NSMCE2: variants seen among roughly 807,000 people sequenced by gnomAD.
The protein encoded by NSMCE2 is NSE2 SUMO ligase component of SMC5/6 complex.
A neutral mutation model predicts 23.8 loss-of-function variants in NSMCE2; 24 were observed. The ratio of observed to expected loss-of-function variants is 1.01; its 90% CI spans 0.73 to 1.42. NSMCE2 has a LOEUF of 1.42. Among genes scored for constraint, NSMCE2 ranks in the 40% most tolerant of loss-of-function variants. The pLI, the probability that NSMCE2 is intolerant of heterozygous loss-of-function variation, is 0.00. For missense variants in NSMCE2, 284 were observed against 296.5 expected, an observed-to-expected ratio of 0.96 and a Z score of 0.31; for synonymous variants, 92 against 94.1, an observed-to-expected ratio of 0.98 and a Z score of 0.13.
At chr8:125,211,188 A>G (rs1824323391) in intron 5 of NSMCE2, among the ~76,000 whole-genome samples, 1 of 152,156 alleles carries the variant, frequency 6.6e-6, no homozygotes, top group African/African-American at 2.4e-5. Flanking sequence ...TAAAGGTTTT[A>G]TCTTTTTTAT....
At chr8:125,110,245 G>A (rs1050625990) in intron 3 of NSMCE2, among the ~76,000 whole-genome samples, 9 of 152,186 alleles carry the variant, frequency 5.9e-5, no homozygotes, top group African/African-American at 1.7e-4. Context: ...AAAAATGTAT[G>A]TGCATGAGGA....
chr8:125,095,038 A>G (rs1817862700), intron 1 of NSMCE2, among the ~76,000 whole-genome samples: 1 of 152,042 alleles, frequency 6.6e-6, no homozygotes, highest in Non-Finnish European at 1.5e-5. Flanking sequence ...TTCTGTAAAG[A>G]CAGAGTCTCA....
chr8:125,095,799 A>G (rs544952769), intron 1 of NSMCE2, among the ~76,000 whole-genome samples: 2 of 149,998 alleles, frequency 1.3e-5, no homozygotes, highest in Non-Finnish European at 3.0e-5. Flanking sequence ...AGAGAATTGC[A>G]TGAACCTGGG....
chr8:125,125,900 G>C (rs1819495444), intron 3 of NSMCE2, among the ~76,000 whole-genome samples: 1 of 152,118 alleles, frequency 6.6e-6, no homozygotes, highest in African/African-American at 2.4e-5. Flanking sequence ...TACTGTGGAG[G>C]GTTTGTGTCA....
intron 7 of NSMCE2, among the ~76,000 whole-genome samples, chr8:125,362,010 G>A (rs925311831): frequency 8.5e-5 from 13 of 152,290 alleles, no homozygotes; most frequent in East Asian, 1.9e-4. Context: ...CCCAAGACCC[G>A]GTTCCCTTTG....
At chr8:125,274,766 C>T (rs1827373823) in intron 5 of NSMCE2, among the ~76,000 whole-genome samples, 1 of 151,848 alleles carries the variant, frequency 6.6e-6, no homozygotes, top group Non-Finnish European at 1.5e-5. Flanking sequence ...CCCATCTCTA[C>T]TAAAAATACA....
chr8:125,140,695 G>A (rs1586499410), intron 3 of NSMCE2, among the ~76,000 whole-genome samples: 1 of 151,956 alleles, frequency 6.6e-6, no homozygotes, highest in Admixed American at 6.6e-5. Flanking sequence ...TTTTGTCTTG[G>A]CTGCCACAAA....
chr8:125,156,028 C>G (rs1283311363), intron 4 of NSMCE2: 3 of 444,230 alleles, frequency 6.8e-6, no homozygotes, highest in Admixed American at 2.4e-5. Context: ...GCCTGTAGTT[C>G]CAGCTACTTG....
At chr8:125,268,240 G>GA (rs376800710) in intron 5 of NSMCE2, among the ~76,000 whole-genome samples, 23 of 142,492 alleles carry the variant, frequency 1.6e-4, no homozygotes, top group East Asian at 2.0e-4. Context: ...TCTCAAGGAA[G>GA]AAAAAAAAAA....
chr8:125,265,951 G>C (rs2131066275), intron 5 of NSMCE2, among the ~76,000 whole-genome samples: 1 of 151,950 alleles, frequency 6.6e-6, no homozygotes, highest in Admixed American at 6.6e-5. Context: ...TATTTGATTT[G>C]TAAGCATTTC....
chr8:125,184,380 A>G (rs186849694), intron 5 of NSMCE2, among the ~76,000 whole-genome samples: 1 of 152,288 alleles, frequency 6.6e-6, no homozygotes, highest in African/African-American at 2.4e-5. Context: ...AGTTGGAAAA[A>G]GAAAGAAAAT....
chr8:125,105,068 T>C (rs749968036), intron 3 of NSMCE2, among the ~76,000 whole-genome samples: 1 of 152,182 alleles, frequency 6.6e-6, no homozygotes, highest in Non-Finnish European at 1.5e-5. Context: ...GAGGAGGCCA[T>C]TGCAAGACTT....
intron 5 of NSMCE2, among the ~76,000 whole-genome samples, chr8:125,222,408 A>G (rs1235977201): frequency 6.6e-6 from 1 of 152,204 alleles, no homozygotes; most frequent in African/African-American, 2.4e-5. Context: ...TGAAGTATAC[A>G]AATACATTAT....
At chr8:125,222,751 T>A (rs1486816460) in intron 5 of NSMCE2, among the ~76,000 whole-genome samples, 4 of 152,162 alleles carry the variant, frequency 2.6e-5, no homozygotes, top group Admixed American at 1.3e-4. Flanking sequence ...CCACATTTTT[T>A]AAATCTGTTC....
At chr8:125,269,338 C>T (rs748079621) in intron 5 of NSMCE2, among the ~76,000 whole-genome samples, 7 of 152,274 alleles carry the variant, frequency 4.6e-5, no homozygotes, top group South Asian at 2.1e-4. Context: ...CACCTTCCTC[C>T]GCCTCCCAAA....
chr8:125,313,227 AAG>A (rs1829045361), intron 5 of NSMCE2, among the ~76,000 whole-genome samples: 2 of 150,408 alleles, frequency 1.3e-5, no homozygotes, highest in African/African-American at 2.5e-5. Flanking sequence ...AAGAAAGAAA[AAG>A]AAGAAAGAAA....
At chr8:125,136,171 T>G (rs1820058273) in intron 3 of NSMCE2, among the ~76,000 whole-genome samples, 1 of 152,148 alleles carries the variant, frequency 6.6e-6, no homozygotes, top group South Asian at 2.1e-4. Flanking sequence ...TAATGGCCAG[T>G]GGAAGTATTA....
intron 3 of NSMCE2, among the ~76,000 whole-genome samples, chr8:125,136,817 G>C (rs1035411658): frequency 6.6e-6 from 1 of 152,042 alleles, no homozygotes; most frequent in African/African-American, 2.4e-5. Context: ...AATCTTGGAA[G>C]TCACTGATGA....
chr8:125,145,383 G>A (rs1820617858), intron 3 of NSMCE2, among the ~76,000 whole-genome samples: 1 of 152,104 alleles, frequency 6.6e-6, no homozygotes. Context: ...ATTTTGTGGG[G>A]TGGCAGTGCG....
Sources: gnomAD v4.1 joint callset for allele counts (sites outside exome capture counted in the v4.1 genomes callset) on GRCh38, gnomAD v4.1.1 for gene constraint, MANE v1.5 for transcripts, NCBI Gene and HGNC (gene_info 2026-07-23, HGNC 2026-07-21) for gene names.